The following KIRREL3 variants were observed in gnomAD, a reference collection of about 807,000 sequenced individuals.
KIRREL3 encodes the protein kirre like nephrin family adhesion molecule 3.
Under a neutral mutation model 89.7 loss-of-function variants are expected in KIRREL3, and 36 were observed. The ratio of observed to expected loss-of-function variants is 0.40; its 90% CI spans 0.31 to 0.53. The LOEUF is 0.53. Ranked by LOEUF, KIRREL3 falls within the 20% of genes least tolerant of loss-of-function variation. KIRREL3 has a pLI of 0.49. For missense variants in KIRREL3, 864 were observed against 1,056.6 expected (o/e 0.82, Z 2.53); for synonymous variants, 445 against 441.4 (o/e 1.01, Z -0.10).
intron 1 of KIRREL3, among the ~76,000 whole-genome samples, chr11:126,921,519 A>C (rs930043716): frequency 6.7e-6 from 1 of 148,998 alleles, no homozygotes; most frequent in African/African-American, 2.5e-5. Flanking sequence ...TAATCTATCT[A>C]TCTGTCTGTC....
At chr11:126,688,182 T>G (rs1288583171) in intron 1 of KIRREL3, among the ~76,000 whole-genome samples, 1 of 152,210 alleles carries the variant, frequency 6.6e-6, no homozygotes, top group Non-Finnish European at 1.5e-5. Context: ...CTGTCCCACT[T>G]CTGGTCTCTG....
chr11:126,590,514 G>A (rs1942083470), intron 1 of KIRREL3, among the ~76,000 whole-genome samples: 1 of 152,200 alleles, frequency 6.6e-6, no homozygotes, highest in South Asian at 2.1e-4. Flanking sequence ...GGCTGTGTCT[G>A]CCGTGGCTGC....
Position 126,555,997 on chromosome 11 carries a change from C to T in KIRREL3, c.133+6838G>A, listed in dbSNP as rs1203897073. On this transcript the variant is annotated intron_variant, in intron 2 of 16. Coordinates refer to ENST00000525144, the MANE Select transcript of KIRREL3 (RefSeq NM_032531.4). This position sits in a 1 kb window ranked among gnomAD's most constrained non-coding sequence, Gnocchi z 4.2. Reference sequence around the variant, plus strand: ...CCTCAGGTGATCCACCTGCCTTGGCCTTTCAAAGTGCTGGGATTATAGGCG... The same window carrying T: ...CCTCAGGTGATCCACCTGCCTTGGCTTTTCAAAGTGCTGGGATTATAGGCG... Among the ~76,000 whole-genome samples, 2 of 152,194 alleles carry T rather than the reference C, an allele frequency of 1.3e-5. No individual in the cohort carries two copies.
At chr11:126,487,202 T>C (rs1158248482) in intron 4 of KIRREL3, among the ~76,000 whole-genome samples, 3 of 152,094 alleles carry the variant, frequency 2.0e-5, no homozygotes, top group African/African-American at 7.2e-5. Context: ...TTGTTCCATA[T>C]CTTGGTTGGT....
chr11:126,629,873 AC>A (rs1943945134), intron 1 of KIRREL3, among the ~76,000 whole-genome samples: 1 of 151,994 alleles, frequency 6.6e-6, no homozygotes, highest in Non-Finnish European at 1.5e-5. Context: ...ACTCTTTCTA[AC>A]CCCAAGATAC....
chr11:126,971,970 T>C (rs2135216482), intron 1 of KIRREL3, among the ~76,000 whole-genome samples: 1 of 152,260 alleles, frequency 6.6e-6, no homozygotes, highest in African/African-American at 2.4e-5. Context: ...ACATGGCCCT[T>C]TATCCAATTC....
rs979403305 is a variant in KIRREL3, at chr11:126,669,371, G to T, written c.56-106459C>A. 2.0e-5 allele frequency among the ~76,000 whole-genome samples: 3 copies of T among 152,122 alleles called. No individual in the cohort carries two copies. Among genetic ancestry groups the T allele is most frequent in the South Asian group, 2.1e-4 (1 of 4,824 alleles). ...ACCTCTCCTTTAGTTCTCAGGTGTT[G>T]GATCATGTCCTCTAGAAAACTTTTC... On this transcript the variant is annotated intron_variant, in intron 1 of 16. Coordinates refer to ENST00000525144, the MANE Select transcript of KIRREL3 (RefSeq NM_032531.4). The surrounding 1 kb of genome is among the most constrained non-coding windows in gnomAD (Gnocchi z 5.0).
In KIRREL3 at chr11:126,955,914, C is replaced by A. The variant is rs1363867533; in HGVS notation, c.55+44541G>T. On this transcript the variant is annotated intron_variant, in intron 1 of 16. Coordinates refer to ENST00000525144, the MANE Select transcript of KIRREL3 (RefSeq NM_032531.4). The surrounding 1 kb of genome is among the most constrained non-coding windows in gnomAD (Gnocchi z 4.6). Reference sequence around the variant, plus strand: ...CAGTTCTTAAGTATTTTTAATATTACCCTGGAAACATGAATTGAATTACAC... The same window carrying A: ...CAGTTCTTAAGTATTTTTAATATTAACCTGGAAACATGAATTGAATTACAC... Among the ~76,000 whole-genome samples the A allele has an allele frequency of 6.6e-6, 1 of 152,102 alleles. No individual in the cohort carries two copies. Among genetic ancestry groups the A allele is most frequent in the Admixed American group, 6.5e-5 (1 of 15,274 alleles).
intron 1 of KIRREL3, among the ~76,000 whole-genome samples, chr11:126,829,859 G>C (rs4992049): frequency 0.28 from 42,297 of 152,126 alleles, 5,988 homozygotes; most frequent in East Asian, 0.43. Context: ...AAGTGCGACG[G>C]GAATGTAGAG....
Position 126,893,260 on chromosome 11 carries a change from G to A in KIRREL3, c.55+107195C>T, listed in dbSNP as rs567882899. On this transcript the variant is annotated intron_variant, in intron 1 of 16. Coordinates refer to ENST00000525144, the MANE Select transcript of KIRREL3 (RefSeq NM_032531.4). ...GGGGTTATGTCTGATGCCCCGGAAC[G>A]TCCGTCATGCATTGATTTTATCCAG... 1.1e-3 allele frequency among the ~76,000 whole-genome samples: 174 copies of A among 152,224 alleles called. 4 individuals are homozygous for A. In the South Asian group the frequency reaches 0.033, roughly 29 times the overall value.
rs1011139649 is a variant in KIRREL3 at position 126,443,752 on chromosome 11, C to G, written c.1252+1227G>C. Among the ~76,000 whole-genome samples, 1 of 152,092 alleles carries G rather than the reference C, an allele frequency of 6.6e-6. No homozygotes were observed. Among genetic ancestry groups the G allele is most frequent in the African/African-American group, 2.4e-5 (1 of 41,402 alleles). On this transcript the variant is annotated intron_variant, in intron 10 of 16. Transcript: ENST00000525144. The surrounding 1 kb of genome is among the most constrained non-coding windows in gnomAD (Gnocchi z 7.3). ...TGGGTAGAGAGGAAGCTGAAGCCCACGAGCTAATTTGGAGACCTCAGGAGG... is the reference window on the plus strand; with the variant it reads ...TGGGTAGAGAGGAAGCTGAAGCCCAGGAGCTAATTTGGAGACCTCAGGAGG...
In KIRREL3 at chr11:126,766,214, T is replaced by C. The variant is rs1327873397; in HGVS notation, c.56-203302A>G. Among the ~76,000 whole-genome samples, 1 of 151,990 alleles carries C rather than the reference T, an allele frequency of 6.6e-6. No individual in the cohort carries two copies. Among genetic ancestry groups the C allele is most frequent in the African/African-American group, 2.4e-5 (1 of 41,384 alleles). On this transcript the variant is annotated intron_variant, in intron 1 of 16. Coordinates refer to ENST00000525144, the MANE Select transcript of KIRREL3 (RefSeq NM_032531.4). This position sits in a 1 kb window ranked among gnomAD's most constrained non-coding sequence, Gnocchi z 4.2. ...CTCCTCCTCCCCTCTCTTCTCCTTG[T>C]CTTCCTGGCCCTCAGTTGGCTGAGA...
In KIRREL3 at chr11:126,489,183, G is replaced by A. The variant is rs928041170; in HGVS notation, c.434-15717C>T. Among the ~76,000 whole-genome samples, 10 of 152,174 alleles carry A rather than the reference G, an allele frequency of 6.6e-5. No homozygotes were observed. The highest frequency in any genetic ancestry group is 1.0e-4 in the Non-Finnish European group (7 of 68,036). Reference sequence around the variant, plus strand: ...CGGAAGCTGTAGATGGATGCGCTGCGTTTGCGGTGGAGAGCCGGCTGCATG... The same window carrying A: ...CGGAAGCTGTAGATGGATGCGCTGCATTTGCGGTGGAGAGCCGGCTGCATG... On this transcript the variant is annotated intron_variant, in intron 4 of 16. Coordinates refer to ENST00000525144, the MANE Select transcript of KIRREL3 (RefSeq NM_032531.4). This position sits in a 1 kb window ranked among gnomAD's most constrained non-coding sequence, Gnocchi z 5.5.
rs1322827870 is a variant in KIRREL3, at chr11:126,571,580, T to C, written c.56-8668A>G. On this transcript the variant is annotated intron_variant, in intron 1 of 16. Transcript: ENST00000525144. The surrounding 1 kb of genome is among the most constrained non-coding windows in gnomAD (Gnocchi z 7.7). Reference sequence around the variant, plus strand: ...ACTTTGCATGCCTTACCTTCTTTATTCCTCATCAAAACTCTATAAGGTAAG... The same window carrying C: ...ACTTTGCATGCCTTACCTTCTTTATCCCTCATCAAAACTCTATAAGGTAAG... 6.6e-6 allele frequency among the ~76,000 whole-genome samples: 1 copy of C among 152,228 alleles called. No homozygotes were observed. Among genetic ancestry groups the C allele is most frequent in the Admixed American group, 6.5e-5 (1 of 15,280 alleles).
intron 1 of KIRREL3, among the ~76,000 whole-genome samples, chr11:126,885,608 A>C (rs1389515363): frequency 1.3e-5 from 2 of 152,370 alleles, no homozygotes; most frequent in African/African-American, 4.8e-5. Context: ...GAAATAACTG[A>C]GAAAAAGCCA....
chr11:126,678,736 T>C (rs1304014322), intron 1 of KIRREL3, among the ~76,000 whole-genome samples: 1 of 151,868 alleles, frequency 6.6e-6, no homozygotes, highest in East Asian at 1.9e-4. Flanking sequence ...AAGGACCCTA[T>C]GTCCACTGCC....
intron 7 of KIRREL3, among the ~76,000 whole-genome samples, chr11:126,451,371 TGTGA>T (rs1474962366): frequency 6.7e-6 from 1 of 148,506 alleles, no homozygotes; most frequent in African/African-American, 2.5e-5. Flanking sequence ...TGTGACTATG[TGTGA>T]GCGTGTGCAT....
rs1469290055 is a variant in KIRREL3, at chr11:126,734,299, C to T, written c.56-171387G>A. ...GGGTCATTTATAAATAAGTGCTATA[C>T]TTTAAATACTGTGTTCATGATCTGC... On this transcript the variant is annotated intron_variant, in intron 1 of 16. Coordinates refer to ENST00000525144, the MANE Select transcript of KIRREL3 (RefSeq NM_032531.4). This position sits in a 1 kb window ranked among gnomAD's most constrained non-coding sequence, Gnocchi z 5.9. Among the ~76,000 whole-genome samples the T allele has an allele frequency of 6.6e-6, 1 of 152,126 alleles. No homozygotes were observed. Among genetic ancestry groups the T allele is most frequent in the Non-Finnish European group, 1.5e-5 (1 of 68,020 alleles).
chr11:126,930,924 C>A (rs1947923622), intron 1 of KIRREL3, among the ~76,000 whole-genome samples: 1 of 152,208 alleles, frequency 6.6e-6, no homozygotes, highest in African/African-American at 2.4e-5. Context: ...TCCTAGCTAT[C>A]CTGAACGACC....
Sources: allele counts gnomAD v4.1 joint callset (sites outside exome capture counted in the v4.1 genomes callset), GRCh38; gene constraint gnomAD v4.1.1; non-coding constraint Gnocchi (gnomAD v3.1); transcripts MANE v1.5; gene names NCBI Gene and HGNC (gene_info 2026-07-23, HGNC 2026-07-21).